SORCS2: variants seen among roughly 807,000 people sequenced by gnomAD.
The protein encoded by SORCS2 is VPS10 domain-containing receptor SorCS2.
SORCS2 carries 100 observed loss-of-function variants against 141.6 expected under a neutral mutation model. That is an observed-to-expected ratio of 0.71 (90% confidence interval 0.60 to 0.83). The LOEUF (loss-of-function observed/expected upper bound fraction) is 0.83. Ranked by LOEUF, SORCS2 falls within the 40% of genes least tolerant of loss-of-function variation. The pLI, the probability that SORCS2 is intolerant of heterozygous loss-of-function variation, is 0.00. For synonymous variants in SORCS2, 789 were observed against 676.9 expected (o/e 1.17, Z -2.57); for missense variants, 1,646 against 1,560.2 (o/e 1.05, Z -0.93).
At chr4:7,323,025 A>G (rs571065370) in intron 1 of SORCS2, among the ~76,000 whole-genome samples, 8 of 152,268 alleles carry the variant, frequency 5.3e-5, no homozygotes, top group African/African-American at 1.4e-4. Flanking sequence ...TCTGCCCTCA[A>G]TGGGTGTTAT....
intron 18 of SORCS2, among the ~76,000 whole-genome samples, chr4:7,721,173 C>T (rs995622940): frequency 6.6e-6 from 1 of 152,192 alleles, no homozygotes; most frequent in African/African-American, 2.4e-5. Flanking sequence ...ATTATTAATA[C>T]CTGCAGCAGG....
rs543358933 is a variant in SORCS2 at position 7,663,558 on chromosome 4, C to T, written c.953-795C>T. Among the ~76,000 whole-genome samples the T allele has an allele frequency of 1.2e-3, 178 of 152,372 alleles. No individual in the cohort carries two copies. Among genetic ancestry groups the T allele is most frequent in the Middle Eastern group, 3.4e-3 (1 of 294 alleles). On this transcript the variant is annotated intron_variant, in intron 6 of 26. Transcript: ENST00000507866. This position sits in a 1 kb window ranked among gnomAD's most constrained non-coding sequence, Gnocchi z 4.8. Reference sequence around the variant, plus strand: ...CCCACGTACCCTCTGTGTACACTGCCTTCTGCCTCCTCTGAACAGACCGGG... The same window carrying T: ...CCCACGTACCCTCTGTGTACACTGCTTTCTGCCTCCTCTGAACAGACCGGG...
At chr4:7,430,808 C>T (rs1726791569) in intron 2 of SORCS2, 1 of 152,220 alleles carries the variant, frequency 6.6e-6, no homozygotes, top group African/African-American at 2.4e-5. Context: ...GCACCCTCCG[C>T]TGAAAAGCCT....
intron 3 of SORCS2, among the ~76,000 whole-genome samples, chr4:7,614,927 C>T (rs1269841415): frequency 6.6e-6 from 1 of 152,116 alleles, no homozygotes; most frequent in African/African-American, 2.4e-5. Flanking sequence ...ACCTATTAAT[C>T]CACCTACCCA....
At chr4:7,531,705 T>C in intron 3 of SORCS2, 76 bp downstream of exon 3, 1 of 1,406,030 alleles carries the variant, frequency 7.1e-7, no homozygotes, top group Non-Finnish European at 9.9e-7. Context: ...AGGAAGCTGC[T>C]GCCCTGCCCT....
rs1027194659 is a variant in SORCS2 at position 7,733,675 on chromosome 4, C to T, written c.3208+254C>T. ...GATAATCTCTGCCCCTTCCCCAACC[C>T]ACAGAGCTGTCTCCTCGGCTGTCAG... is the stretch of plus-strand genomic sequence containing the variant. On this transcript the variant is annotated intron_variant, in intron 24 of 26. Transcript: ENST00000507866. Among the ~76,000 whole-genome samples, 5 of 152,356 alleles carry T rather than the reference C, an allele frequency of 3.3e-5. No homozygotes were observed. The East Asian group carries it at 9.7e-4, about 29-fold the overall frequency.
chr4:7,720,812 A>G (rs1227664277), intron 18 of SORCS2, among the ~76,000 whole-genome samples: 2 of 152,246 alleles, frequency 1.3e-5, no homozygotes, highest in African/African-American at 4.8e-5. Context: ...AGAATGGCTG[A>G]CATTAAAAAT....
At chr4:7,453,465 T>A (rs969796090) in intron 2 of SORCS2, among the ~76,000 whole-genome samples, 1 of 139,332 alleles carries the variant, frequency 7.2e-6, no homozygotes, top group African/African-American at 2.8e-5. Flanking sequence ...AGGCTCCGTG[T>A]TGGGGTCAGG....
chr4:7,568,747 A>T (rs1264002220), intron 3 of SORCS2, among the ~76,000 whole-genome samples: 2 of 152,242 alleles, frequency 1.3e-5, no homozygotes, highest in African/African-American at 2.4e-5. Flanking sequence ...TAGGATGCTC[A>T]ACCCACAGTT....
intron 1 of SORCS2, among the ~76,000 whole-genome samples, chr4:7,320,495 A>G (rs562633187): frequency 1.3e-5 from 2 of 152,336 alleles, no homozygotes; most frequent in East Asian, 3.9e-4. Context: ...CACATTTGAC[A>G]TTTTACTTTG....
intron 4 of SORCS2, 50 bp downstream of exon 4, chr4:7,638,542 C>A: frequency 2.6e-6 from 4 of 1,558,298 alleles, no homozygotes; most frequent in South Asian, 2.4e-5. Context: ...GGGGTCTGCT[C>A]GACCCACCTG....
chr4:7,446,640 A>T (rs961540698), intron 2 of SORCS2, among the ~76,000 whole-genome samples: 1 of 151,994 alleles, frequency 6.6e-6, no homozygotes, highest in Non-Finnish European at 1.5e-5. Context: ...GAGGGGTGGA[A>T]TCCAGGCCTG....
chr4:7,418,253 G>A (rs1331517322), intron 2 of SORCS2, among the ~76,000 whole-genome samples: 1 of 152,186 alleles, frequency 6.6e-6, no homozygotes, highest in East Asian at 1.9e-4. Context: ...TAGCAGGGAG[G>A]CAGACAAGTC....
chr4:7,692,150 C>T (rs1189044475), intron 11 of SORCS2, among the ~76,000 whole-genome samples: 1 of 152,226 alleles, frequency 6.6e-6, no homozygotes, highest in Non-Finnish European at 1.5e-5. Context: ...CCCTGAGCAT[C>T]TGCTGGGAGC....
chr4:7,724,590 G>GA (rs1560114207), intron 19 of SORCS2, among the ~76,000 whole-genome samples: 2 of 69,514 alleles, frequency 2.9e-5, no homozygotes, highest in Non-Finnish European at 5.5e-5. Flanking sequence ...TGGTGGTGGT[G>GA]TTGGTGATGG....
intron 3 of SORCS2, among the ~76,000 whole-genome samples, chr4:7,600,451 C>T (rs547983331): frequency 7.2e-5 from 11 of 152,106 alleles, no homozygotes; most frequent in Non-Finnish European, 1.5e-4. Flanking sequence ...CACCCAAGCC[C>T]GCTGTGCTCT....
chr4:7,197,571 T>C (rs1185805063), intron 1 of SORCS2, among the ~76,000 whole-genome samples: 1 of 152,108 alleles, frequency 6.6e-6, no homozygotes, highest in Non-Finnish European at 1.5e-5. Context: ...GTGGAGTGTA[T>C]AGGAGATGGA....
chr4:7,269,124 G>A (rs1436670103), intron 1 of SORCS2, among the ~76,000 whole-genome samples: 7 of 152,082 alleles, frequency 4.6e-5, no homozygotes, highest in Admixed American at 4.6e-4. Context: ...CCTCTGCCAG[G>A]CCCTGTGCTG....
chr4:7,368,474 G>A (rs758144095), intron 1 of SORCS2, among the ~76,000 whole-genome samples: 6 of 152,128 alleles, frequency 3.9e-5, no homozygotes, highest in African/African-American at 9.7e-5. Context: ...TCAGGGTCAC[G>A]CCTGCCAATC....
Sources: allele counts gnomAD v4.1 joint callset (sites outside exome capture counted in the v4.1 genomes callset), GRCh38; gene constraint gnomAD v4.1.1; non-coding constraint Gnocchi (gnomAD v3.1); transcripts MANE v1.5; gene names NCBI Gene and HGNC (gene_info 2026-07-23, HGNC 2026-07-21).